The following GCN1 variants were observed in gnomAD, a reference collection of about 807,000 sequenced individuals.
The protein encoded by GCN1 is stalled ribosome sensor GCN1.
Under a neutral mutation model 288.4 loss-of-function variants are expected in GCN1, and 90 were observed. The ratio of observed to expected loss-of-function variants is 0.31; its 90% confidence interval spans 0.26 to 0.37. The LOEUF is 0.37. GCN1 is among the 10% of genes least tolerant of loss of function. The pLI is 1.00. For missense variants in GCN1, 2,586 were observed against 3,419.9 expected, an observed-to-expected ratio of 0.76 and a Z score of 6.08; for synonymous variants, 1,386 against 1,420.2, an observed-to-expected ratio of 0.98 and a Z score of 0.54.
intron 16 of GCN1, among the ~76,000 whole-genome samples, chr12:120,165,394 T>C (rs777504918): frequency 5.9e-5 from 9 of 152,180 alleles, no homozygotes; most frequent in Non-Finnish European, 7.3e-5. Context: ...GGACTTGAAC[T>C]CCTGACCACA....
chr12:120,184,256 G>T lies in GCN1; in HGVS notation c.186-13C>A. ...GGAGGCTGCATCTCTAGGGGGAGAG[G>T]CAAAGGAAAGGGTGAACATGCAGAC... On this transcript the variant is annotated splice_polypyrimidine_tract_variant and intron_variant, in intron 3 of 57. Coordinates refer to ENST00000300648, the MANE Select transcript of GCN1 (RefSeq NM_006836.2). The T allele has an allele frequency of 6.2e-7, 1 of 1,608,622 alleles. No individual in the cohort carries two copies. The highest frequency in any genetic ancestry group is 1.7e-4 in the Middle Eastern group (1 of 6,010).
At chr12:120,180,101 G>A (rs1185693751) in intron 5 of GCN1, among the ~76,000 whole-genome samples, 1 of 151,782 alleles carries the variant, frequency 6.6e-6, no homozygotes, top group African/African-American at 2.4e-5. Flanking sequence ...GAGGTCGGGA[G>A]TTCAAGACCA....
intron 16 of GCN1, among the ~76,000 whole-genome samples, chr12:120,166,709 A>C (rs1032284507): frequency 6.7e-6 from 1 of 149,826 alleles, no homozygotes; most frequent in Non-Finnish European, 1.5e-5. Flanking sequence ...GTCTCAAAAA[A>C]AAAAAAAAAA....
chr12:120,174,665 C>T (rs1212416190), intron 12 of GCN1, among the ~76,000 whole-genome samples: 5 of 151,706 alleles, frequency 3.3e-5, no homozygotes, highest in African/African-American at 9.7e-5. Context: ...GTGGTGTGTG[C>T]CTGTAGTCCC....
rs1310827206 is a variant in GCN1 at position 120,137,651 on chromosome 12, T to C, written c.6557A>G (p.Tyr2186Cys). 1 of 1,614,034 alleles carries C rather than the reference T, an allele frequency of 6.2e-7. No homozygotes were observed. Residue 2186 changes from tyrosine to cysteine, a missense_variant, in exon 49 of 58, where the codon TAC (tyrosine) becomes TGC (cysteine). Tyr to Cys is a radical substitution (Grantham distance 194). This residue lies in a region of GCN1 where 437 missense variants were observed against 570.5 expected (regional missense o/e 0.77). Coordinates refer to ENST00000300648, the MANE Select transcript of GCN1 (RefSeq NM_006836.2). This position sits in a 1 kb window ranked among gnomAD's most constrained non-coding sequence, Gnocchi z 5.2. Reference sequence around the variant, plus strand: ...GACCAGGCTCCGCAGGTGGCTGGTGTAGTCAGCCTTTGAGCGGGAACAGTA... The same window carrying C: ...GACCAGGCTCCGCAGGTGGCTGGTGCAGTCAGCCTTTGAGCGGGAACAGTA... ...NIYCSRSKAD[Y>C]TSHLRSLVSG...
intron 36 of GCN1, 80 bp downstream of exon 36, chr12:120,149,526 G>T: frequency 1.0e-6 from 1 of 968,020 alleles, no homozygotes; most frequent in Non-Finnish European, 1.7e-6. Flanking sequence ...CAGGACAAGA[G>T]CTGTGGCTAC....
At chr12:120,160,897 T>C (rs1877903997) in intron 22 of GCN1, among the ~76,000 whole-genome samples, 1 of 152,072 alleles carries the variant, frequency 6.6e-6, no homozygotes. Context: ...GAAACAAATA[T>C]GATGTTTAGT....
At chr12:120,135,450 G>A (rs1048238101) in intron 51 of GCN1, among the ~76,000 whole-genome samples, 4 of 151,572 alleles carry the variant, frequency 2.6e-5, no homozygotes, top group East Asian at 1.9e-4. Flanking sequence ...TGCAACCTCC[G>A]CCTCCCGGGT....
chr12:120,151,284 C>T lies in GCN1; in HGVS notation c.4170G>A (p.Lys1390=). 6.2e-7 allele frequency: 1 copy of T among 1,614,214 alleles called. No homozygotes were observed. The highest frequency in any genetic ancestry group is 1.1e-5 in the South Asian group (1 of 91,082). The stretch of plus-strand genomic sequence containing the variant: ...AGGCGGCCCCTTTGCGCTCTGCGTA[C>T]TTGTCTGACTCCAGCAGCTGCTGCA... The part of the protein sequence containing the change: ...RLMQQLLESD[K]YAERKGAAYG... The change falls in exon 34 of 58, where the codon AAG becomes AAA. Residue 1390 remains lysine, a synonymous_variant. Transcript: ENST00000300648.
At position 120,194,443 on chromosome 12, in the gene GCN1, C is replaced by T. The variant is rs112775893; in HGVS notation, c.18+237G>A. Among the ~76,000 whole-genome samples the T allele has an allele frequency of 2.0e-3, 311 of 152,372 alleles. 2 individuals are homozygous for T. The Middle Eastern group carries it at 0.037, about 18-fold the overall frequency. ...GTCGGGCAAAGGCCCCGCCGAGCTC[C>T]AGCTGCTGAAGTCGAGGCGGGAGCC... On this transcript the variant is annotated intron_variant, in intron 1 of 57. Transcript: ENST00000300648.
intron 5 of GCN1, among the ~76,000 whole-genome samples, chr12:120,179,826 T>C (rs1461331450): frequency 1.3e-5 from 2 of 152,250 alleles, no homozygotes; most frequent in Non-Finnish European, 2.9e-5. Flanking sequence ...GGGTCCTGTT[T>C]CATTTACTTC....
Position 120,136,695 on chromosome 12 carries a change from A to T in GCN1, c.6815T>A (p.Val2272Asp). The change falls in exon 51 of 58, where the codon GTC (valine) becomes GAC (aspartate). Residue 2272 changes from valine (V) to aspartate (D), a missense_variant. By Grantham distance (152) the Val-to-Asp change is radical. This residue lies in a region of GCN1 where 437 missense variants were observed against 570.5 expected (regional missense o/e 0.77). Transcript: ENST00000300648. The stretch of plus-strand genomic sequence containing the variant: ...CTTCTGCTCAGGGCTGCCAGTCAGG[A>T]CTCCTTCCCGCAACACTGGAAGGAT... The part of the protein sequence containing the change: ...TSILPVLREG[V>D]LTGSPEQKEE... The T allele has an allele frequency of 6.2e-7, 1 of 1,613,742 alleles. No homozygotes were observed.
rs117081256 is a variant in GCN1 at position 120,173,663 on chromosome 12, G to C, written c.1356C>G (p.Ala452=). The stretch of plus-strand genomic sequence containing the variant: ...TGGGAGTTGTCTTACCCCGGTAAGA[G>C]GCCAACATGCACTGCAGGTAGGCAT... ...VRHAYLQCML[A]SYRGDTLLQA... The change falls in exon 14 of 58, where the codon GCC becomes GCG. Residue 452 remains alanine, a synonymous_variant. Coordinates refer to ENST00000300648, the MANE Select transcript of GCN1 (RefSeq NM_006836.2). 55 of 1,605,976 alleles carry C rather than the reference G, an allele frequency of 3.4e-5. No individual in the cohort carries two copies. The East Asian group carries it at 5.8e-4, about 17-fold the overall frequency.
In GCN1 at chr12:120,161,873, G is replaced by T; in HGVS notation, c.2342+7C>A. ...AAAGGAAACTGAGCCCATAAGTGAG[G>T]TCTCACCTCTGAATGATGGATTTGT... On this transcript the variant is annotated splice_region_variant and intron_variant, in intron 21 of 57. Transcript: ENST00000300648. 1 of 1,613,560 alleles carries T rather than the reference G, an allele frequency of 6.2e-7. No homozygotes were observed. The highest frequency in any genetic ancestry group is 8.5e-7 in the Non-Finnish European group (1 of 1,179,654).
Position 120,131,279 on chromosome 12 carries a change from G to T in GCN1, c.7469C>A (p.Ser2490Tyr). 6.2e-7 allele frequency: 1 copy of T among 1,614,080 alleles called. No individual in the cohort carries two copies. Among genetic ancestry groups the T allele is most frequent in the Non-Finnish European group, 8.5e-7 (1 of 1,179,998 alleles). Residue 2490 changes from serine (S) to tyrosine (Y), a missense_variant, in exon 55 of 58, where the codon TCC (serine) becomes TAC (tyrosine). By Grantham distance (144) the Ser-to-Tyr change is moderately radical (BLOSUM62 -2). Around this residue, in one of 8 missense-constraint regions of GCN1, gnomAD observed 355 missense variants for 431.1 expected, o/e 0.82. Transcript: ENST00000300648. ...GCCAGGAGCCACATTCACAGCCACG[G>T]AAAGTGCCAGGCTCCGCCCGTGCCG... Reference protein sequence around the residue: ...MVRHGRSLALSVAVNVAPGRL... With the variant: ...MVRHGRSLALYVAVNVAPGRL...
intron 15 of GCN1, among the ~76,000 whole-genome samples, chr12:120,169,276 C>CAAAAA (rs35819206): frequency 4.1e-4 from 27 of 66,566 alleles, no homozygotes; most frequent in Non-Finnish European, 5.6e-4. Flanking sequence ...AACTCCGTCT[C>CAAAAA]AAAAAAAAAA....
intron 21 of GCN1, 137 bp downstream of exon 21, chr12:120,161,743 G>A (rs960126975): frequency 2.8e-5 from 27 of 964,264 alleles, no homozygotes; most frequent in Non-Finnish European, 4.0e-5. Flanking sequence ...GCACCGTGCC[G>A]GGGACACAAC....
intron 16 of GCN1, among the ~76,000 whole-genome samples, chr12:120,164,976 T>TATACAC (rs1480191308): frequency 3.4e-5 from 5 of 145,908 alleles, no homozygotes; most frequent in Admixed American, 2.8e-4. Context: ...TACACATATA[T>TATACAC]ATACATATAC....
At position 120,162,062 on chromosome 12, in the gene GCN1, CCAGA is replaced by C. The variant is rs766426050; in HGVS notation, c.2164-8_2164-5del. 2.5e-6 allele frequency: 4 copies of C among 1,611,384 alleles called. No individual in the cohort carries two copies. Among genetic ancestry groups the C allele is most frequent in the Non-Finnish European group, 2.5e-6 (3 of 1,179,754 alleles). On this transcript the variant is annotated splice_region_variant and splice_polypyrimidine_tract_variant and intron_variant, in intron 20 of 57. Coordinates refer to ENST00000300648, the MANE Select transcript of GCN1 (RefSeq NM_006836.2). ...AGCCCATGGCATTCATGGAGGACTG[CCAGA>C]CAAACGCAGACATGGTCAGTGTGTG... is the stretch of plus-strand genomic sequence containing the variant.
Sources: gnomAD v4.1 joint callset for allele counts (sites outside exome capture counted in the v4.1 genomes callset) on GRCh38, gnomAD v4.1.1 for gene constraint, gnomAD v4.1.1 regional missense constraint, Gnocchi (gnomAD v3.1) non-coding constraint, MANE v1.5 for transcripts, NCBI Gene and HGNC (gene_info 2026-07-23, HGNC 2026-07-21) for gene names.